MICAL2: variants seen among roughly 807,000 people sequenced by gnomAD.
MICAL2 encodes [F-actin]-monooxygenase MICAL2.
In MICAL2, 77 loss-of-function variants were observed where a neutral mutation model predicts 127.3. That is an observed-to-expected ratio of 0.60 (90% CI 0.50 to 0.73). The LOEUF (loss-of-function observed/expected upper bound fraction) is 0.73, where lower values mean the gene tolerates loss of function less well. MICAL2 is among the 30% of genes least tolerant of loss of function. The pLI, the probability that MICAL2 is intolerant of heterozygous loss-of-function variation, is 0.00. For missense variants in MICAL2, 1,351 were observed against 1,434.4 expected, an observed-to-expected ratio of 0.94 and a Z score of 0.94; for synonymous variants, 570 against 551.1, an observed-to-expected ratio of 1.03 and a Z score of -0.48.
At chr11:12,246,743 A>G (rs1255406950) in intron 21 of MICAL2, among the ~76,000 whole-genome samples, 1 of 152,112 alleles carries the variant, frequency 6.6e-6, no homozygotes. Context: ...AGTACCTGGG[A>G]CTATAGATGT....
chr11:12,204,210 A>G lies in MICAL2; in HGVS notation c.265-40A>G, dbSNP rs201438859. On this transcript the variant is annotated intron_variant, in intron 3 of 27. Transcript: ENST00000683283. Reference sequence around the variant, plus strand: ...ACTGGGGGTTCGTGTCTGTGATGCTAGAGGTTACCAAGAGTCTCTCTCCTC... The same window carrying G: ...ACTGGGGGTTCGTGTCTGTGATGCTGGAGGTTACCAAGAGTCTCTCTCCTC... 25 of 1,589,340 alleles carry G rather than the reference A, an allele frequency of 1.6e-5. No homozygotes were observed. In the Admixed American group the frequency reaches 3.8e-4, roughly 24 times the overall value.
Position 12,208,071 on chromosome 11 carries a change from G to A in MICAL2, c.521G>A (p.Gly174Glu), listed in dbSNP as rs1478623212. The A allele has an allele frequency of 6.2e-7, 1 of 1,614,098 alleles. No homozygotes were observed. Among genetic ancestry groups the A allele is most frequent in the Non-Finnish European group, 8.5e-7 (1 of 1,180,036 alleles). Residue 174 changes from glycine (G) to glutamate (E), a missense_variant, in exon 5 of 28, where the codon GGA (glycine) becomes GAA (glutamate). By Grantham distance (98) the Gly-to-Glu change is moderately conservative. Transcript: ENST00000683283. ...CTATTCAAGGTGGCCCTGATGCTGG[G>A]AGTTGAAATCCATGTGAATGTGGAG... is the stretch of plus-strand genomic sequence containing the variant. ...LILFKVALMLGVEIHVNVEFV... is the reference protein window; with the variant it reads ...LILFKVALMLEVEIHVNVEFV...
intron 29 of MICAL2, among the ~76,000 whole-genome samples, chr11:12,316,194 G>T (rs1864229672): frequency 6.6e-6 from 1 of 151,660 alleles, no homozygotes; most frequent in Non-Finnish European, 1.5e-5. Flanking sequence ...TATATAGCAG[G>T]TTCTTGCTTT....
chr11:12,260,231 G>A (rs371496199), intron 26 of MICAL2: 192 of 1,446,058 alleles, frequency 1.3e-4, no homozygotes, highest in Non-Finnish European at 1.6e-4. Flanking sequence ...ATGGCAGTGC[G>A]TTTGCAGTTT....
downstream of MICAL2, among the ~76,000 whole-genome samples, chr11:12,291,801 C>A (rs1203528277): frequency 2.0e-5 from 3 of 152,230 alleles, no homozygotes; most frequent in African/African-American, 7.2e-5. Flanking sequence ...GCCCAGCTCC[C>A]AACCACAATG....
At chr11:12,214,872 T>C (rs1855952655) in intron 7 of MICAL2, among the ~76,000 whole-genome samples, 1 of 152,122 alleles carries the variant, frequency 6.6e-6, no homozygotes, top group Admixed American at 6.5e-5. Context: ...GATTTAGGCC[T>C]TCCAGTTATT....
chr11:12,335,334 T>C (rs1463387181), intron 32 of MICAL2, among the ~76,000 whole-genome samples: 1 of 152,154 alleles, frequency 6.6e-6, no homozygotes, highest in Non-Finnish European at 1.5e-5. Flanking sequence ...TTTGAGTTCA[T>C]TGTAGATTCT....
At chr11:12,167,179 G>A (rs1565080486) in intron 3 of MICAL2, among the ~76,000 whole-genome samples, 1 of 152,116 alleles carries the variant, frequency 6.6e-6, no homozygotes, top group Non-Finnish European at 1.5e-5. Flanking sequence ...ACAGACCAGG[G>A]GGTATTTGTA....
chr11:12,262,337 C>A, intron 26 of MICAL2, 143 bp from the exon 27 acceptor site: 1 of 1,517,850 alleles, frequency 6.6e-7, no homozygotes, highest in Non-Finnish European at 8.8e-7. Flanking sequence ...GCGACTCTTT[C>A]AGAGGAAGTT....
At chr11:12,146,706 T>C (rs569531782) in intron 2 of MICAL2, among the ~76,000 whole-genome samples, 1 of 152,302 alleles carries the variant, frequency 6.6e-6, no homozygotes, top group African/African-American at 2.4e-5. Flanking sequence ...GCCATCCTAT[T>C]GCTGGGTATA....
upstream of MICAL2, chr11:12,274,575 G>A (rs1246873556): frequency 6.6e-6 from 1 of 152,274 alleles, no homozygotes; most frequent in Admixed American, 6.5e-5. Flanking sequence ...GCCAGTGAGT[G>A]AATGAGGCCT....
At chr11:12,125,173 G>A (rs1254065683) in intron 1 of MICAL2, among the ~76,000 whole-genome samples, 3 of 152,234 alleles carry the variant, frequency 2.0e-5, no homozygotes, top group Non-Finnish European at 2.9e-5. Context: ...CATTTCCATC[G>A]TATCTCTATG....
chr11:12,258,194 G>A (rs898405694), intron 24 of MICAL2, among the ~76,000 whole-genome samples: 2 of 152,168 alleles, frequency 1.3e-5, no homozygotes, highest in East Asian at 1.9e-4. Context: ...GCCACCCTAC[G>A]GGAGCCGGCA....
chr11:12,135,939 T>C (rs991052488), intron 1 of MICAL2, among the ~76,000 whole-genome samples: 4 of 152,212 alleles, frequency 2.6e-5, no homozygotes, highest in Non-Finnish European at 5.9e-5. Flanking sequence ...CTTTAGTGCA[T>C]TGAAACTCTG....
upstream of MICAL2, among the ~76,000 whole-genome samples, chr11:12,272,493 C>A (rs1313049690): frequency 6.6e-6 from 1 of 152,196 alleles, no homozygotes; most frequent in African/African-American, 2.4e-5. Flanking sequence ...TAGCACAGGC[C>A]TGGATCTGAG....
intron 32 of MICAL2, among the ~76,000 whole-genome samples, chr11:12,329,821 T>C (rs1864394168): frequency 6.8e-6 from 1 of 146,592 alleles, no homozygotes; most frequent in South Asian, 2.1e-4. Flanking sequence ...GAAACCAAAA[T>C]TGTAAAGCAT....
At chr11:12,349,506 G>A (rs1939011382) in intron 32 of MICAL2, among the ~76,000 whole-genome samples, 1 of 152,184 alleles carries the variant, frequency 6.6e-6, no homozygotes, top group Non-Finnish European at 1.5e-5. Context: ...AGGATGTGAT[G>A]CATACACATA....
At chr11:12,294,084 G>T (rs1364591494), downstream of MICAL2, 1 of 1,614,140 alleles carries the variant, frequency 6.2e-7, no homozygotes, top group African/African-American at 1.3e-5. Context: ...GCTGAGAATG[G>T]TAGAGGAGGC....
chr11:12,273,635 A>G (rs1863695709), upstream of MICAL2, among the ~76,000 whole-genome samples: 1 of 152,060 alleles, frequency 6.6e-6, no homozygotes, highest in African/African-American at 2.4e-5. Flanking sequence ...ACAGGTGATA[A>G]ATACAGTTTG....
Sources: allele counts gnomAD v4.1 joint callset (sites outside exome capture counted in the v4.1 genomes callset), GRCh38; gene constraint gnomAD v4.1.1; transcripts MANE v1.5; gene names NCBI Gene and HGNC (gene_info 2026-07-23, HGNC 2026-07-21).